The following TEX11 variants were observed in gnomAD, a reference collection of about 807,000 sequenced individuals.
TEX11 encodes the protein testis-expressed protein 11.
In TEX11, 7 loss-of-function variants were observed where a neutral mutation model predicts 84.4. The observed-to-expected ratio is 0.08, with a 90% CI of 0.05 to 0.16. The LOEUF is 0.16. Among genes scored for constraint, TEX11 ranks in the 10% least tolerant of loss-of-function variants. The pLI, the probability that TEX11 is intolerant of heterozygous loss-of-function variation, is 1.00. For missense variants in TEX11, 551 were observed against 660.5 expected (o/e 0.83, Z 1.82); for synonymous variants, 264 against 222.8 (o/e 1.18, Z -1.64).
chrX:70,750,921 TAA>T (rs1181422597), intron 9 of TEX11, among the ~76,000 whole-genome samples: 482 of 35,329 alleles, frequency 0.014, 19 homozygotes, highest in Admixed American at 0.051. Context: ...TAAAGTATAA[TAA>T]AAAAAAAAAA....
chrX:70,669,990 A>T (rs2090008612), intron 16 of TEX11, among the ~76,000 whole-genome samples: 1 of 112,436 alleles, frequency 8.9e-6, no homozygotes, highest in African/African-American at 3.2e-5. Context: ...AAGAATGGCC[A>T]CTTCATTCAA....
chrX:70,785,175 C>A (rs1164449370), intron 9 of TEX11, among the ~76,000 whole-genome samples: 1 of 111,580 alleles, frequency 9.0e-6, no homozygotes, highest in Non-Finnish European at 1.9e-5. Flanking sequence ...TAATACCACA[C>A]ATGTACAACC....
chrX:70,874,307 C>T (rs778914801), intron 3 of TEX11, among the ~76,000 whole-genome samples: 3 of 109,243 alleles, frequency 2.7e-5, no homozygotes, highest in Non-Finnish European at 5.7e-5. Flanking sequence ...GCATGGTTGT[C>T]ATTTCACTTA....
At chrX:70,569,319 C>T (rs2088549930) in intron 25 of TEX11, among the ~76,000 whole-genome samples, 1 of 111,353 alleles carries the variant, frequency 9.0e-6, no homozygotes, top group African/African-American at 3.3e-5. Context: ...AAATTTTTTT[C>T]AAAGTTTTCA....
intron 11 of TEX11, among the ~76,000 whole-genome samples, chrX:70,725,865 C>G (rs2090596443): frequency 8.9e-6 from 1 of 111,931 alleles, no homozygotes; most frequent in Non-Finnish European, 1.9e-5. Context: ...CATCTTTAAA[C>G]AACTTTCTAA....
At chrX:70,862,684 A>T (rs1202634453) in intron 4 of TEX11, among the ~76,000 whole-genome samples, 1 of 106,891 alleles carries the variant, frequency 9.4e-6, no homozygotes, top group Non-Finnish European at 1.9e-5. Context: ...TGGGTAAATC[A>T]CCTGAGCTCA....
At chrX:70,736,002 T>C (rs1047031951) in intron 11 of TEX11, among the ~76,000 whole-genome samples, 3 of 111,772 alleles carry the variant, frequency 2.7e-5, no homozygotes, top group Non-Finnish European at 5.6e-5. Flanking sequence ...TTTTATATTA[T>C]GGTTAATAGA....
chrX:70,569,520 T>G lies in TEX11; in HGVS notation c.2141-14720A>C, dbSNP rs748249948. ...TTTCCAGTTTTTCTGCTCTGTTTTT[T>G]CCCCATCTTTGTGGTTTTATCTACT... On this transcript the variant is annotated intron_variant, in intron 25 of 29. Transcript: ENST00000374333. Among the ~76,000 whole-genome samples, 35 of 111,590 alleles carry G rather than the reference T, an allele frequency of 3.1e-4. No homozygotes were observed. In the East Asian group the frequency reaches 9.0e-3, roughly 29 times the overall value.
At chrX:70,657,503 C>T (rs760285672) in intron 16 of TEX11, among the ~76,000 whole-genome samples, 31 of 106,149 alleles carry the variant, frequency 2.9e-4, no homozygotes, top group Non-Finnish European at 4.5e-4. Flanking sequence ...AGTATCCCCA[C>T]AGAAAATGAA....
rs900560840 is a variant in TEX11, at chrX:70,907,903, C to T, written c.-21-93G>A. ...TGAAATGTTTCCCGTTACTTGTTAT[C>T]CAAAGGGAGAAAAAAAGGCTGAGTA... is the stretch of plus-strand genomic sequence containing the variant. On this transcript the variant is annotated intron_variant, in intron 1 of 29. Transcript: ENST00000374333. 4 of 587,461 alleles carry T rather than the reference C, an allele frequency of 6.8e-6. No homozygotes were observed. The African/African-American group carries it at 9.1e-5, about 13-fold the overall frequency. The allele number at this position is 587,461 out of a possible 1,213,427, so 48.4% of individuals were successfully genotyped here.
intron 17 of TEX11, among the ~76,000 whole-genome samples, chrX:70,639,417 A>G (rs2089620084): frequency 1.8e-5 from 2 of 112,111 alleles, no homozygotes; most frequent in Non-Finnish European, 3.8e-5. Context: ...GGAGCCCACC[A>G]CAGCTCAAGG....
chrX:70,650,471 T>A (rs2089798243), intron 17 of TEX11, among the ~76,000 whole-genome samples: 1 of 111,667 alleles, frequency 9.0e-6, no homozygotes, highest in Admixed American at 9.5e-5. Context: ...AGCTTCAAGT[T>A]ATTTTACCCT....
intron 7 of TEX11, among the ~76,000 whole-genome samples, chrX:70,839,383 C>T (rs2091427411): frequency 8.9e-6 from 1 of 112,140 alleles, no homozygotes; most frequent in African/African-American, 3.2e-5. Context: ...CAAACAGGGT[C>T]TGGAGTGGAC....
intron 14 of TEX11, among the ~76,000 whole-genome samples, chrX:70,679,154 T>C (rs1386321211): frequency 8.0e-5 from 9 of 112,941 alleles, no homozygotes; most frequent in Non-Finnish European, 1.7e-4. Context: ...TTGGCTGGGC[T>C]GGTCTCCAGC....
At position 70,714,811 on chromosome X, in the gene TEX11, A is replaced by G. The variant is rs151041990; in HGVS notation, c.1004+7807T>C. 9.2e-3 allele frequency among the ~76,000 whole-genome samples: 1,022 copies of G among 111,552 alleles called. 7 individuals are homozygous for G. Among genetic ancestry groups the G allele is most frequent in the African/African-American group, 0.032 (968 of 30,675 alleles). On this transcript the variant is annotated intron_variant, in intron 13 of 29. Transcript: ENST00000374333. ...ATTTACATTTAAGGTTAATATTGTTATATGTGAATTTGACCCTGTCATTGT... is the reference window on the plus strand; with the variant it reads ...ATTTACATTTAAGGTTAATATTGTTGTATGTGAATTTGACCCTGTCATTGT...
intron 11 of TEX11, among the ~76,000 whole-genome samples, chrX:70,733,376 T>C (rs979297696): frequency 2.7e-5 from 3 of 111,277 alleles, no homozygotes; most frequent in Non-Finnish European, 3.8e-5. Context: ...ACCTACAAAA[T>C]GGGAGAAAAT....
chrX:70,763,392 A>G (rs769194530), intron 9 of TEX11, among the ~76,000 whole-genome samples: 1 of 111,148 alleles, frequency 9.0e-6, no homozygotes, highest in South Asian at 3.8e-4. Flanking sequence ...GAGTTAAACT[A>G]TGAGGATGCA....
chrX:70,521,292 T>A, the TEX11 span, among the ~76,000 whole-genome samples: 4 of 110,763 alleles, frequency 3.6e-5, no homozygotes, highest in Non-Finnish European at 7.6e-5. Context: ...TTTTTTTTTC[T>A]TTTTGAAACA....
At chrX:70,514,593 TAA>T in the TEX11 span, among the ~76,000 whole-genome samples, 8 of 88,362 alleles carry the variant, frequency 9.1e-5, no homozygotes, top group Non-Finnish European at 6.6e-5. Context: ...AGACTCCATC[TAA>T]AAAAAAAAAA....
Sources: gnomAD v4.1 joint callset for allele counts (sites outside exome capture counted in the v4.1 genomes callset) on GRCh38, gnomAD v4.1.1 for gene constraint, MANE v1.5 for transcripts, NCBI Gene and HGNC (gene_info 2026-07-23, HGNC 2026-07-21) for gene names.